LAS1L: variants seen among roughly 807,000 people sequenced by gnomAD.
LAS1L encodes ribosomal biogenesis protein LAS1L.
LAS1L carries 5 observed loss-of-function variants against 57.3 expected under a neutral mutation model. The ratio of observed to expected loss-of-function variants is 0.09; its 90% CI spans 0.05 to 0.18. The LOEUF is 0.18. Ranked by LOEUF, LAS1L falls within the 10% of genes least tolerant of loss-of-function variation. The probability of loss-of-function intolerance (pLI) is 1.00; values close to 1 mark genes in which losing one functional copy is unlikely to be tolerated. For missense variants in LAS1L, 360 were observed against 568.3 expected, an observed-to-expected ratio of 0.63 and a Z score of 3.73; for synonymous variants, 245 against 231.7, an observed-to-expected ratio of 1.06 and a Z score of -0.52.
At chrX:65,520,488 T>C in intron 11 of LAS1L, 1 of 754,566 alleles carries the variant, frequency 1.3e-6, no homozygotes, top group Non-Finnish European at 1.6e-6. Context: ...AAGTTCTGTG[T>C]TTAACAGATG....
intron 9 of LAS1L, 105 bp downstream of exon 9, chrX:65,524,459 G>A: frequency 6.0e-6 from 3 of 497,371 alleles, no homozygotes; most frequent in Non-Finnish European, 1.1e-5. Flanking sequence ...GCAGAACAGT[G>A]GGGAGAGAGA....
intron 3 of LAS1L, among the ~76,000 whole-genome samples, chrX:65,532,280 A>C (rs2069537334): frequency 8.9e-6 from 1 of 112,714 alleles, no homozygotes; most frequent in Admixed American, 9.3e-5. Flanking sequence ...CCATGAGGGC[A>C]GGTGCTGTGA....
At chrX:65,529,305 T>A in intron 5 of LAS1L, 47 bp from the exon 6 acceptor site, 1 of 1,043,536 alleles carries the variant, frequency 9.6e-7, no homozygotes, top group Non-Finnish European at 1.3e-6. Flanking sequence ...CCCAGACCCC[T>A]TCTCCTGATG....
At chrX:65,528,157 T>C in intron 7 of LAS1L, 103 bp downstream of exon 7, 2 of 509,590 alleles carry the variant, frequency 3.9e-6, no homozygotes, top group Non-Finnish European at 6.9e-6. Context: ...CCTGGGATTT[T>C]GTACAGCAGA....
chrX:65,529,885 G>C lies in LAS1L; in HGVS notation c.515-7C>G, dbSNP rs745554285. ...TCCAGGACAAAGTAGCAGCCTAGAG[G>C]GGGGAAGGCAGGCAGTGCCACAGGA... On this transcript the variant is annotated splice_region_variant and splice_polypyrimidine_tract_variant and intron_variant, in intron 4 of 13. Transcript: ENST00000374811. The C allele has an allele frequency of 8.3e-6, 10 of 1,206,570 alleles. No individual in the cohort carries two copies. Among genetic ancestry groups the C allele is most frequent in the African/African-American group, 1.8e-5 (1 of 57,107 alleles).
chrX:65,529,076 C>T (rs374963857), intron 6 of LAS1L, 136 bp downstream of exon 6: 1 of 555,795 alleles, frequency 1.8e-6, no homozygotes, highest in Non-Finnish European at 3.2e-6. Context: ...TCCCCCCTCT[C>T]TCTTTCCGAG....
Position 65,529,667 on chromosome X carries a change from G to A in LAS1L, c.726C>T (p.Ala242=), listed in dbSNP as rs35447939. 5 of 1,209,620 alleles carry A rather than the reference G, an allele frequency of 4.1e-6. No homozygotes were observed. The highest frequency in any genetic ancestry group is 2.3e-4 in the Middle Eastern group (1 of 4,353). The part of the protein sequence containing the change: ...DGKSTESDVK[A]DGDSKGSEEV... The stretch of plus-strand genomic sequence containing the variant: ...CTTCGCTGCCTTTGCTGTCTCCATC[G>A]GCCTTTACATCTGACTCCGTACTTT... The change falls in exon 5 of 14, where the codon GCC becomes GCT. Residue 242 remains alanine, a synonymous_variant. Transcript: ENST00000374811.
At chrX:65,533,805 G>A in intron 1 of LAS1L, 70 bp from the exon 2 acceptor site, 1 of 1,093,408 alleles carries the variant, frequency 9.1e-7, no homozygotes, top group South Asian at 2.0e-5. Flanking sequence ...TCAGAACCTA[G>A]GTTGTTGCAG....
At chrX:65,524,014 T>G (rs749134583) in intron 10 of LAS1L, 42 bp downstream of exon 10, 3 of 1,144,120 alleles carry the variant, frequency 2.6e-6, no homozygotes, top group East Asian at 6.0e-5. Flanking sequence ...GGCTCCTGCC[T>G]GGGCTGCCTT....
intron 11 of LAS1L, 101 bp downstream of exon 11, chrX:65,523,459 C>T (rs772876881): frequency 1.4e-5 from 12 of 881,527 alleles, no homozygotes; most frequent in Non-Finnish European, 1.8e-5. Flanking sequence ...CTGGGCTAGA[C>T]TGTCCCCAAA....
At position 65,518,174 on chromosome X, in the gene LAS1L, C is replaced by T; in HGVS notation, c.1740G>A (p.Glu580=). The T allele has an allele frequency of 8.3e-7, 1 of 1,203,096 alleles. No homozygotes were observed. The highest frequency in any genetic ancestry group is 1.1e-6 in the Non-Finnish European group (1 of 887,454). The change falls in exon 12 of 14, where the codon GAG becomes GAA. Residue 580 remains glutamate (E), a synonymous_variant. Coordinates refer to ENST00000374811, the MANE Select transcript of LAS1L (RefSeq NM_031206.7). ...EEKEVLPDQV[E]EEEENDDQEE... is the part of the protein sequence containing the mutation. ...CTTGGTCATCATTTTCTTCCTCCTC[C>T]TCTACCTGGTCTGGCAAGACCTCTT...
chrX:65,518,020 C>T lies in LAS1L; in HGVS notation c.1894G>A (p.Ala632Thr), dbSNP rs1316862979. ...NARLLAQKRG[A>T]LQGSAWQVSS... ...ACCTGCCATGCAGAGCCCTGCAAAG[C>T]TCCTCTTTTCTGGGCCAGAAGCCTA... is the stretch of plus-strand genomic sequence containing the variant. The change falls in exon 12 of 14, where the codon GCT becomes ACT. Residue 632 changes from alanine to threonine, a missense_variant. Transcript: ENST00000374811. The T allele has an allele frequency of 5.0e-6, 6 of 1,208,104 alleles. No individual in the cohort carries two copies. Among genetic ancestry groups the T allele is most frequent in the Non-Finnish European group, 6.7e-6 (6 of 894,233 alleles).
At chrX:65,520,221 A>G (rs1003955165) in intron 11 of LAS1L, among the ~76,000 whole-genome samples, 3 of 111,711 alleles carry the variant, frequency 2.7e-5, no homozygotes, top group African/African-American at 6.5e-5. Context: ...GGATGAAGGT[A>G]GACTTTGGGC....
At chrX:65,516,633 C>CTA (rs1247275915) in intron 12 of LAS1L, among the ~76,000 whole-genome samples, 1 of 74,719 alleles carries the variant, frequency 1.3e-5, no homozygotes, top group Non-Finnish European at 2.4e-5. Flanking sequence ...TCCCTTTTTC[C>CTA]TATACACACA....
intron 4 of LAS1L, among the ~76,000 whole-genome samples, chrX:65,530,176 T>C (rs2069397577): frequency 8.9e-6 from 1 of 112,971 alleles, no homozygotes; most frequent in Admixed American, 9.3e-5. Context: ...ATTAGCTAGT[T>C]ACATGGCCTT....
chrX:65,525,748 C>CAAAA lies in LAS1L; in HGVS notation c.957-702_957-699dup, dbSNP rs772564998. 3.6e-3 allele frequency among the ~76,000 whole-genome samples: 137 copies of CAAAA among 38,006 alleles called. 5 individuals carry two copies. Among genetic ancestry groups the CAAAA allele is most frequent in the African/African-American group, 0.012 (108 of 8,710 alleles). The allele number at this position is 38,006 out of a possible 115,157, so 33.0% of individuals were successfully genotyped here. The stretch of plus-strand genomic sequence containing the variant: ...AGGTCTTCACCAAGGTCTGATTTTT[C>CAAAA]AAAAAAAAAAAAAAAAAAAAGAAAG... On this transcript the variant is annotated intron_variant, in intron 7 of 13. Transcript: ENST00000374811.
chrX:65,534,354 T>C (rs1045944667), intron 1 of LAS1L, 126 bp downstream of exon 1: 28 of 494,164 alleles, frequency 5.7e-5, no homozygotes, highest in Admixed American at 5.1e-4. Context: ...CCCCAGGCAT[T>C]TGGGAGAGGG....
chrX:65,527,168 G>A (rs2069189736), intron 7 of LAS1L, among the ~76,000 whole-genome samples: 1 of 87,527 alleles, frequency 1.1e-5, no homozygotes. Context: ...AGCCAAGATC[G>A]TGCCACTGCA....
chrX:65,533,917 G>A (rs1055210981), intron 1 of LAS1L, among the ~76,000 whole-genome samples, 182 bp from the exon 2 acceptor site: 11 of 111,874 alleles, frequency 9.8e-5, no homozygotes. Flanking sequence ...AGTATACAGG[G>A]CATGAGGAGC....
Sources: gnomAD v4.1 joint callset for allele counts (sites outside exome capture counted in the v4.1 genomes callset) on GRCh38, gnomAD v4.1.1 for gene constraint, MANE v1.5 for transcripts, NCBI Gene and HGNC (gene_info 2026-07-23, HGNC 2026-07-21) for gene names.